NOVA2: variants seen among roughly 807,000 people sequenced by gnomAD.
NOVA2 encodes RNA-binding protein Nova-2.
A neutral mutation model predicts 22.5 loss-of-function variants in NOVA2; 9 were observed. The observed-to-expected ratio is 0.40, with a 90% confidence interval of 0.24 to 0.70. The LOEUF is 0.70. Among genes scored for constraint, NOVA2 ranks in the 30% least tolerant of loss-of-function variants. The pLI is 0.38. For missense variants in NOVA2, 383 were observed against 682.8 expected (o/e 0.56, Z 4.89); for synonymous variants, 318 against 335.2 (o/e 0.95, Z 0.56).
chr19:45,945,293 C>T (rs1399963513), intron 3 of NOVA2, among the ~76,000 whole-genome samples: 1 of 151,238 alleles, frequency 6.6e-6, no homozygotes, highest in African/African-American at 2.4e-5. Context: ...CAGTGCAAGA[C>T]CCTGCCTCTA....
At chr19:45,963,874 TTTC>T (rs1968131584) in intron 1 of NOVA2, among the ~76,000 whole-genome samples, 1 of 152,246 alleles carries the variant, frequency 6.6e-6, no homozygotes, top group Non-Finnish European at 1.5e-5. Context: ...CACTCAAATG[TTTC>T]TTCTTCTTGG....
chr19:45,953,949 G>A lies in NOVA2; in HGVS notation c.230-3C>T, dbSNP rs1967965261. The A allele has an allele frequency of 1.2e-6, 2 of 1,613,802 alleles. No individual in the cohort carries two copies. The highest frequency in any genetic ancestry group is 1.7e-6 in the Non-Finnish European group (2 of 1,179,830). On this transcript the variant is annotated splice_region_variant and splice_polypyrimidine_tract_variant and intron_variant, in intron 2 of 3. Transcript: ENST00000263257. ...TAGGCATACCCGCTCTGTGGTTCCT[G>A]TTGAGCAAGGGAGAGAGAGGGCACA...
intron 3 of NOVA2, among the ~76,000 whole-genome samples, chr19:45,949,739 GT>G (rs558656536): frequency 0.56 from 67,277 of 119,534 alleles, 16,666 homozygotes; most frequent in East Asian, 0.72. Context: ...ATCGTAGGTT[GT>G]TTTTTTTTTT....
chr19:45,951,702 TGGGAG>T (rs1358402594), intron 3 of NOVA2, among the ~76,000 whole-genome samples: 1 of 151,238 alleles, frequency 6.6e-6, no homozygotes, highest in Non-Finnish European at 1.5e-5. Flanking sequence ...TGGGCTGAGG[TGGGAG>T]GATCGCTTGA....
At chr19:45,968,867 T>C (rs1968199613) in intron 1 of NOVA2, among the ~76,000 whole-genome samples, 1 of 152,060 alleles carries the variant, frequency 6.6e-6, no homozygotes, top group Non-Finnish European at 1.5e-5. Context: ...GACTTCGTGA[T>C]AAAGAATGTG....
At chr19:45,961,596 T>C (rs1968097576) in intron 1 of NOVA2, among the ~76,000 whole-genome samples, 1 of 152,102 alleles carries the variant, frequency 6.6e-6, no homozygotes, top group South Asian at 2.1e-4. Context: ...TTCCTAAGAA[T>C]GTGGCAGGCT....
Position 45,934,891 on chromosome 19 carries a change from T to C in NOVA2, c.*4972A>G, listed in dbSNP as rs1159995855. ...GGGATGGGGTGCGGGTGGGGAGGCA[T>C]GGGTGGTGGGAGGAGATGGAGGAAA... On this transcript the variant is annotated 3_prime_UTR_variant, in exon 4 of 4. Transcript: ENST00000263257. 1 of 148,090 alleles carries C rather than the reference T, an allele frequency of 6.8e-6. No individual in the cohort carries two copies. Among genetic ancestry groups the C allele is most frequent in the African/African-American group, 2.5e-5 (1 of 39,690 alleles). The allele number at this position is 148,090 out of a possible 1,614,324, so 9.2% of individuals were successfully genotyped here.
chr19:45,959,648 G>T (rs529880466), intron 2 of NOVA2, among the ~76,000 whole-genome samples: 1 of 151,750 alleles, frequency 6.6e-6, no homozygotes, highest in South Asian at 2.1e-4. Flanking sequence ...TAAACCTCTT[G>T]CCAAAGCTGC....
At chr19:45,963,625 C>T (rs1426511549) in intron 1 of NOVA2, among the ~76,000 whole-genome samples, 7 of 151,310 alleles carry the variant, frequency 4.6e-5, no homozygotes, top group Non-Finnish European at 7.4e-5. Flanking sequence ...TCCGCCTCTC[C>T]GATTCACGCC....
At chr19:45,966,604 G>A (rs1199741213) in intron 1 of NOVA2, among the ~76,000 whole-genome samples, 2 of 152,154 alleles carry the variant, frequency 1.3e-5, no homozygotes, top group African/African-American at 4.8e-5. Flanking sequence ...TAGGCCGGGT[G>A]TGGTGGCTCA....
intron 1 of NOVA2, among the ~76,000 whole-genome samples, chr19:45,961,860 G>A (rs184488472): frequency 6.6e-6 from 1 of 152,278 alleles, no homozygotes; most frequent in Admixed American, 6.5e-5. Flanking sequence ...TGTGAAGGAC[G>A]AGTGAGTGCA....
chr19:45,970,597 A>G (rs1476255660), intron 1 of NOVA2, among the ~76,000 whole-genome samples: 5 of 151,962 alleles, frequency 3.3e-5, no homozygotes, highest in African/African-American at 1.2e-4. Context: ...GCTGTTCTTG[A>G]ACTCCTGACC....
rs1199724168 is a variant in NOVA2, at chr19:45,936,260, C to T, written c.*3603G>A. The T allele has an allele frequency of 6.6e-6, 1 of 152,194 alleles. No homozygotes were observed. The highest frequency in any genetic ancestry group is 1.5e-5 in the Non-Finnish European group (1 of 68,044). 9.4% of individuals were successfully genotyped at this position (152,194 alleles called of 1,614,324 possible). ...GAGCTTGTCTCCTCCTCCCCAGTTTCCATAGATTTGCCAGGAAGTTGGCAA... is the reference window on the plus strand; with the variant it reads ...GAGCTTGTCTCCTCCTCCCCAGTTTTCATAGATTTGCCAGGAAGTTGGCAA... On this transcript the variant is annotated 3_prime_UTR_variant, in exon 4 of 4. Coordinates refer to ENST00000263257, the MANE Select transcript of NOVA2 (RefSeq NM_002516.4).
chr19:45,968,524 T>C (rs1568673680), intron 1 of NOVA2, among the ~76,000 whole-genome samples: 1 of 152,016 alleles, frequency 6.6e-6, no homozygotes, highest in Non-Finnish European at 1.5e-5. Context: ...GCCACGGTTT[T>C]CTTGGAGTGA....
intron 2 of NOVA2, among the ~76,000 whole-genome samples, chr19:45,954,959 T>G (rs925296648): frequency 2.0e-5 from 3 of 151,700 alleles, no homozygotes; most frequent in Non-Finnish European, 4.4e-5. Context: ...AGAGACTGCC[T>G]TATGAACAGA....
intron 3 of NOVA2, among the ~76,000 whole-genome samples, chr19:45,951,772 G>C (rs1967930055): frequency 6.6e-6 from 1 of 152,080 alleles, no homozygotes; most frequent in Non-Finnish European, 1.5e-5. Context: ...ACTCCAGCCT[G>C]GGTGACAGAG....
At chr19:45,943,860 C>G (rs1011007659) in intron 3 of NOVA2, among the ~76,000 whole-genome samples, 24 of 151,986 alleles carry the variant, frequency 1.6e-4, no homozygotes, top group African/African-American at 5.8e-4. Context: ...ATGTAAGTAC[C>G]AAGTATTGTT....
Position 45,953,867 on chromosome 19 carries a change from G to T in NOVA2, c.309C>A (p.Val103=). 1 of 1,614,182 alleles carries T rather than the reference G, an allele frequency of 6.2e-7. No individual in the cohort carries two copies. Among genetic ancestry groups the T allele is most frequent in the South Asian group, 1.1e-5 (1 of 91,076 alleles). ...TGGTCATCGCTTGTGGGATTTCTCG[G>T]ACCTTCTCGGCAATAAAGCTGTGCA... ...NAVHSFIAEK[V]REIPQAMTKP... Residue 103 remains valine (V), a synonymous_variant, in exon 3 of 4, where the codon GTC becomes GTA. Coordinates refer to ENST00000263257, the MANE Select transcript of NOVA2 (RefSeq NM_002516.4).
chr19:45,973,153 G>T, intron 1 of NOVA2, 114 bp downstream of exon 1: 1 of 369,638 alleles, frequency 2.7e-6, no homozygotes, highest in Non-Finnish European at 4.8e-6. Context: ...CCTCGGGGAG[G>T]GGTGTCTCTC....
Sources: allele counts gnomAD v4.1 joint callset (sites outside exome capture counted in the v4.1 genomes callset), GRCh38; gene constraint gnomAD v4.1.1; transcripts MANE v1.5; gene names NCBI Gene and HGNC (gene_info 2026-07-23, HGNC 2026-07-21).